WDR19: variants seen among roughly 807,000 people sequenced by gnomAD.
WDR19 encodes WD repeat-containing protein 19.
WDR19 carries 121 observed loss-of-function variants against 180.0 expected under a neutral mutation model. That is an observed-to-expected ratio of 0.67 (90% CI 0.58 to 0.78). The LOEUF (loss-of-function observed/expected upper bound fraction) is 0.78. Ranked by LOEUF, WDR19 falls within the 30% of genes least tolerant of loss-of-function variation. WDR19 has a pLI of 0.00. For missense variants in WDR19, 1,450 were observed against 1,640.7 expected, an observed-to-expected ratio of 0.88 and a Z score of 2.01; for synonymous variants, 497 against 540.7, an observed-to-expected ratio of 0.92 and a Z score of 1.12.
chr4:39,222,401 A>G (rs573523455), intron 14 of WDR19, among the ~76,000 whole-genome samples: 4 of 152,152 alleles, frequency 2.6e-5, no homozygotes, highest in Admixed American at 1.3e-4. Context: ...CAAAGAGAAG[A>G]TTTTTTTTAA....
At chr4:39,258,283 G>C (rs982912543) in intron 28 of WDR19, among the ~76,000 whole-genome samples, 8 of 152,006 alleles carry the variant, frequency 5.3e-5, no homozygotes. Flanking sequence ...CTCCCAAGTA[G>C]CTGGGATTAC....
intron 15 of WDR19, among the ~76,000 whole-genome samples, chr4:39,225,904 C>T (rs553071975): frequency 6.6e-6 from 1 of 152,002 alleles, no homozygotes; most frequent in East Asian, 1.9e-4. Flanking sequence ...CAAATTTCCA[C>T]AGATGTACCT....
chr4:39,275,162 A>C (rs1221053170), intron 33 of WDR19: 1 of 621,910 alleles, frequency 1.6e-6, no homozygotes, highest in African/African-American at 1.8e-5. Flanking sequence ...CAATATGATG[A>C]AACCCTATCT....
intron 2 of WDR19, 34 bp from the exon 3 acceptor site, chr4:39,186,494 AAAAAAAAAAAG>A: frequency 8.0e-7 from 1 of 1,250,092 alleles, no homozygotes; most frequent in Non-Finnish European, 1.1e-6. Flanking sequence ...AAAAAAAAAA[AAAAAAAAAAAG>A]TAAATCATAT....
At chr4:39,246,323 TAGAG>T (rs1027998553) in intron 24 of WDR19, among the ~76,000 whole-genome samples, 5 of 152,144 alleles carry the variant, frequency 3.3e-5, no homozygotes, top group African/African-American at 7.2e-5. Flanking sequence ...CTGGGCAACA[TAGAG>T]AGAGCCTCTC....
intron 9 of WDR19, among the ~76,000 whole-genome samples, 191 bp from the exon 10 acceptor site, chr4:39,214,410 A>G (rs2109322206): frequency 6.6e-6 from 1 of 152,300 alleles, no homozygotes; most frequent in East Asian, 1.9e-4. Flanking sequence ...CAACAACAAC[A>G]AACCCAAAAG....
At chr4:39,281,215 GTA>G (rs1553919965) in intron 36 of WDR19, among the ~76,000 whole-genome samples, 1,188 of 109,864 alleles carry the variant, frequency 0.011, 39 homozygotes, top group African/African-American at 0.042. Context: ...ATGTGTGTGT[GTA>G]TATATATATA....
rs1273811425 is a variant in WDR19 at position 39,199,512 on chromosome 4, G to A, written c.441G>A (p.Trp147Ter). ...KHTKRITCGC[W>*]NAENLLALGG... is the part of the protein sequence containing the mutation. ...CTAAGAGAATCACTTGTGGATGTTG[G>A]AATGCAGAAAATCTGCTTGCTTTAG... Residue 147 changes from tryptophan (W) to a stop codon, truncating the protein, a stop_gained, in exon 6 of 37, where the codon TGG becomes TGA. Transcript: ENST00000399820. LOFTEE classifies it high-confidence loss of function. 3 of 1,613,244 alleles carry A rather than the reference G, an allele frequency of 1.9e-6. No homozygotes were observed. The highest frequency in any genetic ancestry group is 2.5e-6 in the Non-Finnish European group (3 of 1,179,660).
Position 39,272,985 on chromosome 4 carries a change from T to C in WDR19, c.3489T>C (p.His1163=). ...AAATATGTCATTTGTTTCAGATTCA[T>C]GTTAAAAATGGAGATCACATGAAAG... is the stretch of plus-strand genomic sequence containing the variant. ...ILHSYILVKI[H]VKNGDHMKGA... The change falls in exon 32 of 37, where the codon CAT becomes CAC. Residue 1163 remains histidine (H), a synonymous_variant. Coordinates refer to ENST00000399820, the MANE Select transcript of WDR19 (RefSeq NM_025132.4). 6.3e-7 allele frequency: 1 copy of C among 1,597,604 alleles called. No homozygotes were observed. Among genetic ancestry groups the C allele is most frequent in the East Asian group, 2.3e-5 (1 of 44,394 alleles).
chr4:39,264,605 G>A (rs1734604386), intron 28 of WDR19, among the ~76,000 whole-genome samples: 1 of 152,160 alleles, frequency 6.6e-6, no homozygotes, highest in Admixed American at 6.5e-5. Context: ...GTGTGGCTGA[G>A]TCCCCAGTGA....
chr4:39,228,154 A>G lies in WDR19; in HGVS notation c.1630-56A>G, dbSNP rs114261987. 5.5e-4 allele frequency: 875 copies of G among 1,591,570 alleles called. 5 individuals carry two copies. The African/African-American group carries it at 0.01, about 18-fold the overall frequency. Reference sequence around the variant, plus strand: ...GCTGCAAACAGGCTTCTACCACGGCAAATGATAATGATTCAAGTACAGACT... The same window carrying G: ...GCTGCAAACAGGCTTCTACCACGGCGAATGATAATGATTCAAGTACAGACT... On this transcript the variant is annotated intron_variant, in intron 15 of 36. Coordinates refer to ENST00000399820, the MANE Select transcript of WDR19 (RefSeq NM_025132.4).
chr4:39,194,798 C>T, intron 5 of WDR19, 139 bp downstream of exon 5: 1 of 607,248 alleles, frequency 1.6e-6, no homozygotes, highest in South Asian at 2.2e-5. Flanking sequence ...GCAAGTCTTA[C>T]ATTTAGCTAA....
At chr4:39,265,325 C>T (rs1734682169) in intron 28 of WDR19, among the ~76,000 whole-genome samples, 1 of 152,104 alleles carries the variant, frequency 6.6e-6, no homozygotes, top group African/African-American at 2.4e-5. Flanking sequence ...GGGACCCTCA[C>T]TTCTTTACAC....
chr4:39,274,811 T>C lies in WDR19; in HGVS notation c.3569T>C (p.Ile1190Thr). 1.2e-6 allele frequency: 2 copies of C among 1,612,950 alleles called. No homozygotes were observed. The highest frequency in any genetic ancestry group is 1.7e-6 in the Non-Finnish European group (2 of 1,179,058). Reference sequence around the variant, plus strand: ...GCTCTCCCCTTTTCTCTTGCAGACATTGTACCCATCCTGACGTCAACTGTG... The same window carrying C: ...GCTCTCCCCTTTTCTCTTGCAGACACTGTACCCATCCTGACGTCAACTGTG... ...ANNISKFPSH[I>T]VPILTSTVIE... is the part of the protein sequence containing the mutation. The change falls in exon 33 of 37, where the codon ATT becomes ACT. Residue 1190 changes from isoleucine to threonine, a missense_variant. Coordinates refer to ENST00000399820, the MANE Select transcript of WDR19 (RefSeq NM_025132.4).
intron 4 of WDR19, among the ~76,000 whole-genome samples, chr4:39,192,043 CTCT>C (rs916565768): frequency 6.6e-6 from 1 of 152,162 alleles, no homozygotes; most frequent in Non-Finnish European, 1.5e-5. Context: ...GTTCAGTTAG[CTCT>C]TCTTTTGAGA....
intron 28 of WDR19, among the ~76,000 whole-genome samples, chr4:39,260,806 G>A (rs113576964): frequency 8.5e-5 from 13 of 152,116 alleles, no homozygotes; most frequent in Admixed American, 2.6e-4. Flanking sequence ...GTGTCCACAC[G>A]TGGCCTTTCC....
intron 21 of WDR19, among the ~76,000 whole-genome samples, chr4:39,242,975 A>G (rs977241234): frequency 6.6e-6 from 1 of 152,114 alleles, no homozygotes; most frequent in Non-Finnish European, 1.5e-5. Flanking sequence ...GCCCATCTCT[A>G]CAAATTTAAA....
intron 3 of WDR19, 100 bp downstream of exon 3, chr4:39,186,704 T>A: frequency 1.3e-6 from 1 of 792,818 alleles, no homozygotes; most frequent in Non-Finnish European, 1.9e-6. Flanking sequence ...AATCTTTTGC[T>A]TCTTCCATTT....
At chr4:39,234,899 T>G (rs1731227702) in intron 20 of WDR19, 24 bp downstream of exon 20, 3 of 1,436,874 alleles carry the variant, frequency 2.1e-6, no homozygotes, top group Non-Finnish European at 1.9e-6. Context: ...TTTATACATT[T>G]CAGTCAGTAG....
Sources: allele counts gnomAD v4.1 joint callset (sites outside exome capture counted in the v4.1 genomes callset), GRCh38; gene constraint gnomAD v4.1.1; transcripts MANE v1.5; gene names NCBI Gene and HGNC (gene_info 2026-07-23, HGNC 2026-07-21).